Variants in NRG2 observed in about 807,000 individuals in gnomAD.
NRG2 encodes the protein pro-neuregulin-2, membrane-bound isoform.
A neutral mutation model predicts 73.9 loss-of-function variants in NRG2; 27 were observed. The observed-to-expected ratio is 0.37, with a 90% CI of 0.27 to 0.50. The LOEUF is 0.50. Ranked by LOEUF, NRG2 falls within the 20% of genes least tolerant of loss-of-function variation. The pLI is 0.96. For missense variants in NRG2, 1,126 were observed against 1,210.1 expected, an observed-to-expected ratio of 0.93 and a Z score of 1.03; for synonymous variants, 532 against 541.0, an observed-to-expected ratio of 0.98 and a Z score of 0.23.
intron 1 of NRG2, among the ~76,000 whole-genome samples, chr5:140,009,272 T>A (rs36021945): frequency 6.6e-6 from 1 of 152,130 alleles, no homozygotes; most frequent in Non-Finnish European, 1.5e-5. Context: ...TTGCCTCCAG[T>A]TGAAAGAGGC....
chr5:140,000,118 T>C (rs1236341137), intron 1 of NRG2, among the ~76,000 whole-genome samples: 1 of 152,234 alleles, frequency 6.6e-6, no homozygotes, highest in Non-Finnish European at 1.5e-5. Flanking sequence ...AAATGACCTA[T>C]AAACGCCCAC....
chr5:139,978,740 G>A (rs368343866), intron 1 of NRG2, among the ~76,000 whole-genome samples: 17 of 151,898 alleles, frequency 1.1e-4, no homozygotes, highest in East Asian at 5.8e-4. Context: ...TTTATATTGC[G>A]GCACTATGTT....
chr5:139,953,698 TAA>T (rs1754404878), intron 1 of NRG2, among the ~76,000 whole-genome samples: 1 of 152,024 alleles, frequency 6.6e-6, no homozygotes, highest in African/African-American at 2.4e-5. Flanking sequence ...CAGATGATGA[TAA>T]GAGGAAAGGA....
At chr5:139,860,804 CAA>C (rs1762101210) in intron 5 of NRG2, among the ~76,000 whole-genome samples, 1 of 152,140 alleles carries the variant, frequency 6.6e-6, no homozygotes. Flanking sequence ...GACCCTGACT[CAA>C]GAGTCAGTTC....
rs76598612 is a variant in NRG2 at position 139,990,714 on chromosome 5, T to C, written c.700+51656A>G. 1.1e-4 allele frequency among the ~76,000 whole-genome samples: 17 copies of C among 152,374 alleles called. 1 individual carries two copies. In the East Asian group the frequency reaches 3.3e-3, roughly 29 times the overall value. The stretch of plus-strand genomic sequence containing the variant: ...CAAATGGGTGCTAAAAGTTATTGAA[T>C]TGTATTCTTAATTTGCATCTCCCTG... On this transcript the variant is annotated intron_variant, in intron 1 of 9. Coordinates refer to ENST00000361474, the MANE Select transcript of NRG2 (RefSeq NM_004883.3).
rs1207553038 is a variant in NRG2 at position 139,846,819 on chromosome 5, TTCAAGTG to T, written c.*1091_*1097del. On this transcript the variant is annotated 3_prime_UTR_variant, in exon 10 of 10. Transcript: ENST00000361474. ...TGATTTTATTTATAATATAAAAATG[TTCAAGTG>T]TCAACAGTCAGGTGTTCAGACATTT... The T allele has an allele frequency of 6.6e-6, 1 of 152,156 alleles. No individual in the cohort carries two copies. The highest frequency in any genetic ancestry group is 1.5e-5 in the Non-Finnish European group (1 of 68,024). The allele number at this position is 152,156 out of a possible 1,614,324, so 9.4% of individuals were successfully genotyped here. A position where few individuals can be genotyped will look rare whatever the true frequency, so the allele number is the denominator to read the frequency against.
At chr5:139,859,511 A>G (rs1762006051) in intron 5 of NRG2, among the ~76,000 whole-genome samples, 1 of 152,192 alleles carries the variant, frequency 6.6e-6, no homozygotes, top group African/African-American at 2.4e-5. Flanking sequence ...GTTCCTGGAC[A>G]CCAGCCCTTC....
intron 1 of NRG2, among the ~76,000 whole-genome samples, chr5:140,025,474 C>T (rs576311097): frequency 2.6e-4 from 39 of 152,186 alleles, no homozygotes; most frequent in African/African-American, 8.7e-4. Context: ...GCGCCTATTA[C>T]GCACCAAGTA....
At chr5:139,967,819 C>T (rs1351066379) in intron 1 of NRG2, among the ~76,000 whole-genome samples, 8 of 151,776 alleles carry the variant, frequency 5.3e-5, no homozygotes, top group African/African-American at 1.5e-4. Flanking sequence ...ATTAGCCAGG[C>T]GTGGTGGCGG....
intron 5 of NRG2, among the ~76,000 whole-genome samples, chr5:139,858,423 A>G (rs148535720): frequency 1.1e-4 from 17 of 152,306 alleles, no homozygotes; most frequent in African/African-American, 3.8e-4. Context: ...ACCCCACTCC[A>G]GCCAGGCACT....
rs197197 is a variant in NRG2 at position 139,969,330 on chromosome 5, T to A, written c.700+73040A>T. 2.6e-5 allele frequency among the ~76,000 whole-genome samples: 4 copies of A among 152,122 alleles called. No individual in the cohort carries two copies. The East Asian group carries it at 7.7e-4, about 29-fold the overall frequency. On this transcript the variant is annotated intron_variant, in intron 1 of 9. Coordinates refer to ENST00000361474, the MANE Select transcript of NRG2 (RefSeq NM_004883.3). ...TTGAAATATCTATAGGGCTGTTATCTGGAAGAAAGACTAAATTTATTTTGT... is the reference window on the plus strand; with the variant it reads ...TTGAAATATCTATAGGGCTGTTATCAGGAAGAAAGACTAAATTTATTTTGT...
At position 140,042,789 on chromosome 5, in the gene NRG2, C is replaced by T; in HGVS notation, c.281G>A (p.Arg94Lys). 1 of 1,516,528 alleles carries T rather than the reference C, an allele frequency of 6.6e-7. No homozygotes were observed. 93.9% of individuals were successfully genotyped at this position (1,516,528 alleles called of 1,614,324 possible). A position where few individuals can be genotyped will look rare whatever the true frequency, so the allele number is the denominator to read the frequency against. Residue 94 changes from arginine (R) to lysine (K), a missense_variant, in exon 1 of 10, where the codon AGG becomes AAG. By Grantham distance (26) the Arg-to-Lys change is conservative. Transcript: ENST00000361474. The part of the protein sequence containing the change: ...RSRAAAAGGM[R>K]RDPAPGFSML... ...GGAGAAGCCGGGGGCCGGGTCGCGC[C>T]TCATGCCGCCGGCGGCTGCGGCTCG...
At chr5:140,022,621 C>T (rs2126671239) in intron 1 of NRG2, among the ~76,000 whole-genome samples, 1 of 152,282 alleles carries the variant, frequency 6.6e-6, no homozygotes, top group Middle Eastern at 3.4e-3. Context: ...TCTCCTATTA[C>T]AGCTTTGTGA....
At position 139,851,817 on chromosome 5, in the gene NRG2, G is replaced by A. The variant is rs373912301; in HGVS notation, c.1559C>T (p.Thr520Met). Residue 520 changes from threonine to methionine, a missense_variant, in exon 9 of 10, where the codon ACG becomes ATG. Thr to Met is a moderately conservative substitution (Grantham distance 81). This residue lies in a region of NRG2 where 539 missense variants were observed against 703.2 expected (regional missense o/e 0.77). Coordinates refer to ENST00000361474, the MANE Select transcript of NRG2 (RefSeq NM_004883.3). This position sits in a 1 kb window ranked among gnomAD's most constrained non-coding sequence, Gnocchi z 4.2. ...PTSSHRHESH[T>M]WSLERSESLT... ...GCTCTCAGAACGTTCCAGGCTCCAC[G>A]TGTGGCTCTCGTGTCTGGGAAGGCC... 30 of 1,614,182 alleles carry A rather than the reference G, an allele frequency of 1.9e-5. No homozygotes were observed. Among genetic ancestry groups the A allele is most frequent in the African/African-American group, 9.3e-5 (7 of 75,068 alleles).
Position 139,955,642 on chromosome 5 carries a change from C to T in NRG2, c.701-68131G>A, listed in dbSNP as rs1343999886. Among the ~76,000 whole-genome samples, 3 of 152,134 alleles carry T rather than the reference C, an allele frequency of 2.0e-5. No individual in the cohort carries two copies. In the East Asian group the frequency reaches 5.8e-4, roughly 29 times the overall value. On this transcript the variant is annotated intron_variant, in intron 1 of 9. Coordinates refer to ENST00000361474, the MANE Select transcript of NRG2 (RefSeq NM_004883.3). The stretch of plus-strand genomic sequence containing the variant: ...GACTTGTCTCCTCAGGAGATTAGAA[C>T]CCAGTGTCTTCCCACGTCTCTTTTA...
intron 1 of NRG2, among the ~76,000 whole-genome samples, chr5:139,947,916 C>A (rs902668030): frequency 6.6e-6 from 1 of 152,168 alleles, no homozygotes; most frequent in Non-Finnish European, 1.5e-5. Context: ...TGGTAAAATG[C>A]ACATAATGTA....
chr5:139,965,758 G>C (rs1167902202), intron 1 of NRG2, among the ~76,000 whole-genome samples: 1 of 152,216 alleles, frequency 6.6e-6, no homozygotes, highest in Non-Finnish European at 1.5e-5. Flanking sequence ...AGGAAGAGCT[G>C]TCAGGAGTGC....
At chr5:139,987,784 T>C (rs1757282216) in intron 1 of NRG2, among the ~76,000 whole-genome samples, 1 of 150,522 alleles carries the variant, frequency 6.6e-6, no homozygotes, top group Non-Finnish European at 1.5e-5. Flanking sequence ...TTTTTTTTTT[T>C]TTTTTTTGAG....
intron 1 of NRG2, among the ~76,000 whole-genome samples, chr5:139,910,645 T>G (rs1765513903): frequency 6.6e-6 from 1 of 152,190 alleles, no homozygotes; most frequent in African/African-American, 2.4e-5. Flanking sequence ...TCGGAGGCCC[T>G]TTCCAATAGT....
Sources: gnomAD v4.1 joint callset for allele counts (sites outside exome capture counted in the v4.1 genomes callset) on GRCh38, gnomAD v4.1.1 for gene constraint, gnomAD v4.1.1 regional missense constraint, Gnocchi (gnomAD v3.1) non-coding constraint, MANE v1.5 for transcripts, NCBI Gene and HGNC (gene_info 2026-07-23, HGNC 2026-07-21) for gene names.